Variants in PIWIL1 observed in about 807,000 individuals in gnomAD.
PIWIL1 encodes piwi like RNA-mediated gene silencing 1.
Under a neutral mutation model 114.4 loss-of-function variants are expected in PIWIL1, and 73 were observed. That is an observed-to-expected ratio of 0.64 (90% CI 0.53 to 0.78). PIWIL1 has a LOEUF of 0.78. PIWIL1 is among the 30% of genes least tolerant of loss of function. PIWIL1 has a pLI of 0.00. For synonymous variants in PIWIL1, 375 were observed against 369.0 expected (o/e 1.02, Z -0.19); for missense variants, 723 against 1,063.1 (o/e 0.68, Z 4.45).
At chr12:130,406,384 C>A in the PIWIL1 span, 1 of 606,064 alleles carries the variant, frequency 1.6e-6, no homozygotes, top group Non-Finnish European at 2.9e-6. Flanking sequence ...AAGGTAGAAG[C>A]TAATGAATGG....
the PIWIL1 span, among the ~76,000 whole-genome samples, chr12:130,413,940 A>G: frequency 6.6e-6 from 1 of 152,230 alleles, no homozygotes; most frequent in Admixed American, 6.5e-5. Context: ...CAGATGCTGG[A>G]GAAGGCACTT....
the PIWIL1 span, among the ~76,000 whole-genome samples, chr12:130,408,500 A>G: frequency 6.6e-6 from 1 of 152,144 alleles, no homozygotes; most frequent in Non-Finnish European, 1.5e-5. Context: ...TCTGCCACAG[A>G]TCGGGGCCTG....
chr12:130,424,281 G>A, the PIWIL1 span: 9 of 1,231,888 alleles, frequency 7.3e-6, no homozygotes, highest in Non-Finnish European at 9.1e-6. The surrounding 1 kb of genome is among the most constrained non-coding windows in gnomAD (Gnocchi z 9.8). Context: ...CTTCCTGGGG[G>A]GCGGCCTCTC....
chr12:130,416,383 A>G, the PIWIL1 span, among the ~76,000 whole-genome samples: 3 of 152,212 alleles, frequency 2.0e-5, no homozygotes, highest in Non-Finnish European at 4.4e-5. Flanking sequence ...AGACACACAG[A>G]CTAATGGAAC....
chr12:130,381,856 A>G, the PIWIL1 span, among the ~76,000 whole-genome samples: 1 of 152,324 alleles, frequency 6.6e-6, no homozygotes, highest in Admixed American at 6.5e-5. Context: ...ATAGGTGTGT[A>G]ATGGTGTCAT....
chr12:130,363,284 A>G, intron 18 of PIWIL1, 140 bp downstream of exon 18: 1 of 829,456 alleles, frequency 1.2e-6, no homozygotes, highest in Non-Finnish European at 1.9e-6. Flanking sequence ...TGGGAAGGGC[A>G]GAGGGAAGTT....
At chr12:130,376,578 C>G (rs1231090673), downstream of PIWIL1, among the ~76,000 whole-genome samples, 2 of 152,216 alleles carry the variant, frequency 1.3e-5, no homozygotes, top group East Asian at 1.9e-4. Flanking sequence ...CTCCGTAAAT[C>G]AGGACTTCAT....
At chr12:130,424,536 G>A in the PIWIL1 span, 114 of 1,231,866 alleles carry the variant, frequency 9.3e-5, no homozygotes, top group African/African-American at 6.5e-4. This position sits in a 1 kb window ranked among gnomAD's most constrained non-coding sequence, Gnocchi z 9.8. Context: ...CCGGGTGGCC[G>A]AGCGGCTGAA....
Position 130,349,366 on chromosome 12 carries a change from CAT to C in PIWIL1, c.863_864del (p.His288ProfsTer6). On this transcript the variant is annotated frameshift_variant, in exon 8 of 21. Transcript: ENST00000245255. LOFTEE classifies it high-confidence loss of function. ...TTTGGATTTCATGTTCAACTTTTAT[CAT>C]CAGACAGAAGAACATAAATTTCAAG... is the stretch of plus-strand genomic sequence containing the variant. ...TVLDFMFNFY[H>X]QTEEHKFQEQ... is the part of the protein sequence containing the mutation. The C allele has an allele frequency of 6.2e-7, 1 of 1,613,528 alleles. No individual in the cohort carries two copies. Among genetic ancestry groups the C allele is most frequent in the South Asian group, 1.1e-5 (1 of 91,032 alleles).
chr12:130,340,557 C>G (rs922197705), intron 1 of PIWIL1, among the ~76,000 whole-genome samples: 2 of 148,944 alleles, frequency 1.3e-5, no homozygotes, highest in African/African-American at 2.5e-5. Flanking sequence ...CCTGCTCACT[C>G]ACTGCGGCTC....
chr12:130,406,166 A>G, the PIWIL1 span: 1 of 1,488,566 alleles, frequency 6.7e-7, no homozygotes, highest in East Asian at 2.3e-5. Context: ...TATTTCAAAA[A>G]CTTACATAAT....
chr12:130,411,362 G>A, the PIWIL1 span, among the ~76,000 whole-genome samples: 11 of 152,022 alleles, frequency 7.2e-5, no homozygotes, highest in South Asian at 2.1e-4. Context: ...TCACCATGTC[G>A]CCCTGGTTAT....
the PIWIL1 span, among the ~76,000 whole-genome samples, chr12:130,392,199 GGA>G: frequency 2.3e-3 from 214 of 92,158 alleles, 3 homozygotes; most frequent in Non-Finnish European, 3.2e-3. Context: ...GTCATCACGT[GGA>G]TGCATCAGTT....
the PIWIL1 span, among the ~76,000 whole-genome samples, chr12:130,410,179 A>G: frequency 6.6e-6 from 1 of 152,182 alleles, no homozygotes; most frequent in Non-Finnish European, 1.5e-5. Context: ...CCACCCACAT[A>G]TCGTCTTTGG....
intron 8 of PIWIL1, 48 bp from the exon 9 acceptor site, chr12:130,349,808 G>C (rs781405408): frequency 9.5e-7 from 1 of 1,054,420 alleles, no homozygotes; most frequent in Non-Finnish European, 1.4e-6. Flanking sequence ...TTTAATATTA[G>C]TTCTTCACAT....
At chr12:130,353,488 C>T (rs2073276621) in intron 9 of PIWIL1, among the ~76,000 whole-genome samples, 1 of 151,724 alleles carries the variant, frequency 6.6e-6, no homozygotes, top group Non-Finnish European at 1.5e-5. Flanking sequence ...CTGTTTTTGG[C>T]AAGATACAGG....
chr12:130,343,209 C>T, intron 3 of PIWIL1, 108 bp downstream of exon 3: 1 of 662,402 alleles, frequency 1.5e-6, no homozygotes, highest in East Asian at 2.9e-5. Context: ...GTTTAAGAAA[C>T]ATTTCCTTAT....
At chr12:130,399,964 G>A in the PIWIL1 span, 6 of 875,666 alleles carry the variant, frequency 6.9e-6, no homozygotes, top group East Asian at 5.3e-5. Context: ...CTAAATCAGG[G>A]TTTCCAAATT....
the PIWIL1 span, chr12:130,397,864 A>G: frequency 5.0e-6 from 1 of 199,584 alleles, no homozygotes; most frequent in Non-Finnish European, 1.0e-5. Flanking sequence ...ATGATCTGAA[A>G]TTAGGTTGAT....
Sources: gnomAD v4.1 joint callset for allele counts (sites outside exome capture counted in the v4.1 genomes callset) on GRCh38, gnomAD v4.1.1 for gene constraint, Gnocchi (gnomAD v3.1) non-coding constraint, MANE v1.5 for transcripts, NCBI Gene and HGNC (gene_info 2026-07-23, HGNC 2026-07-21) for gene names.